The following MACF1 variants were observed in gnomAD, a reference collection of about 807,000 sequenced individuals.
MACF1 encodes the protein microtubule actin crosslinking factor 1.
MACF1 carries 193 observed loss-of-function variants against 854.8 expected under a neutral mutation model. That is an observed-to-expected ratio of 0.23 (90% CI 0.20 to 0.25). The LOEUF (loss-of-function observed/expected upper bound fraction) is 0.25, where lower values mean the gene tolerates loss of function less well. Ranked by LOEUF, MACF1 falls within the 10% of genes least tolerant of loss-of-function variation. The probability of loss-of-function intolerance (pLI) is 1.00; values close to 1 mark genes in which losing one functional copy is unlikely to be tolerated. For synonymous variants in MACF1, 3,185 were observed against 3,226.7 expected, an observed-to-expected ratio of 0.99 and a Z score of 0.44; for missense variants, 7,722 against 8,929.1, an observed-to-expected ratio of 0.86 and a Z score of 5.45.
In MACF1 at chr1:39,448,761, G is replaced by A; in HGVS notation, c.20256G>A (p.Glu6752=). 1.2e-6 allele frequency: 2 copies of A among 1,609,590 alleles called. No individual in the cohort carries two copies. The highest frequency in any genetic ancestry group is 1.3e-5 in the African/African-American group (1 of 74,770). Residue 6752 remains glutamate (E), a splice_region_variant and synonymous_variant, in exon 84 of 101, where the codon GAG becomes GAA. Coordinates refer to ENST00000564288, the MANE Select transcript of MACF1 (RefSeq NM_001394062.1). ...ATACTGTTTGTGGCAAGTCTGTGGA[G>A]CGGTGAGCATGAATGTCCCCTTCAG... ...KWDTVCGKSV[E]RQHKLEEALL... is the part of the protein sequence containing the mutation.
At chr1:39,326,700 A>AAAG (rs1002186426) in intron 35 of MACF1, among the ~76,000 whole-genome samples, 13 of 150,214 alleles carry the variant, frequency 8.7e-5, no homozygotes, top group African/African-American at 3.2e-4. Context: ...AAAAAAAAAA[A>AAAG]AGAGAGAAGA....
intron 2 of MACF1, among the ~76,000 whole-genome samples, chr1:39,145,911 C>T (rs942868284): frequency 2.6e-5 from 4 of 152,178 alleles, no homozygotes; most frequent in Non-Finnish European, 2.9e-5. Flanking sequence ...TTGTAGCCTA[C>T]AGAAATTTGC....
chr1:39,335,902 T>C lies in MACF1; in HGVS notation c.9314T>C (p.Met3105Thr), dbSNP rs1557595222. ...CGAQSEPFPC[M>T]TPRPEGLHYQ... The stretch of plus-strand genomic sequence containing the variant: ...GCCCAGAGTGAACCATTCCCTTGTA[T>C]GACCCCAAGACCTGAAGGATTGCAC... Residue 3105 changes from methionine (M) to threonine (T), a missense_variant, in exon 37 of 101, where the codon ATG becomes ACG. Coordinates refer to ENST00000564288, the MANE Select transcript of MACF1 (RefSeq NM_001394062.1). 2 of 1,614,128 alleles carry C rather than the reference T, an allele frequency of 1.2e-6. No homozygotes were observed. Among genetic ancestry groups the C allele is most frequent in the Non-Finnish European group, 8.5e-7 (1 of 1,180,026 alleles).
rs752545876 is a variant in MACF1, at chr1:39,193,617, C to T, written c.221-37565C>T. On this transcript the variant is annotated intron_variant, in intron 2 of 93. Coordinates refer to the MACF1 transcript ENST00000361689. ...ATATTATGCATTTTCTCACTTAATC[C>T]TCACTGTAACACTGTGAAGAGGTAA... 2.0e-5 allele frequency among the ~76,000 whole-genome samples: 3 copies of T among 152,228 alleles called. No homozygotes were observed. In the East Asian group the frequency reaches 5.8e-4, roughly 29 times the overall value.
chr1:39,193,908 A>G (rs1644286028), intron 2 of MACF1, among the ~76,000 whole-genome samples: 1 of 151,968 alleles, frequency 6.6e-6, no homozygotes, highest in African/African-American at 2.4e-5. Flanking sequence ...CAGTGGCATG[A>G]TCTCAGCTCA....
In MACF1 at chr1:39,481,008, AC is replaced by A. The variant is rs1645002340; in HGVS notation, c.22261del (p.Leu7421SerfsTer16). ...CCTATCAGGGACAGCCATTCTCCTG[AC>A]CTCCAGCTGCCCACCCCCGAGGTAG... The part of the protein sequence containing the change: ...GTPIRDSHSP[D>X]LQLPTPEVIP... On this transcript the variant is annotated frameshift_variant, in exon 99 of 101. Coordinates refer to ENST00000564288, the MANE Select transcript of MACF1 (RefSeq NM_001394062.1). LOFTEE classifies it high-confidence loss of function. 2 of 1,550,286 alleles carry A rather than the reference AC, an allele frequency of 1.3e-6. No homozygotes were observed.
intron 2 of MACF1, among the ~76,000 whole-genome samples, chr1:39,087,285 A>G (rs1238723042): frequency 6.6e-6 from 1 of 152,204 alleles, no homozygotes; most frequent in Non-Finnish European, 1.5e-5. Context: ...GGGTGTCTGA[A>G]TCACTCTCAC....
At chr1:39,151,280 C>G (rs1162174769) in intron 2 of MACF1, among the ~76,000 whole-genome samples, 2 of 152,192 alleles carry the variant, frequency 1.3e-5, no homozygotes, top group Non-Finnish European at 2.9e-5. Context: ...TGTGTCCTTT[C>G]CTTTGTTTTG....
chr1:39,265,769 T>G (rs1433492920), intron 6 of MACF1, among the ~76,000 whole-genome samples: 4 of 152,220 alleles, frequency 2.6e-5, no homozygotes. Flanking sequence ...AGGGACCATC[T>G]ATATCTTAGG....
intron 38 of MACF1, among the ~76,000 whole-genome samples, chr1:39,337,959 C>T (rs550348955): frequency 4.6e-5 from 7 of 152,146 alleles, no homozygotes; most frequent in Admixed American, 2.6e-4. Context: ...TTAGTAGAGA[C>T]GGGGTTTCAC....
At chr1:39,161,219 C>A (rs1571117308) in intron 2 of MACF1, among the ~76,000 whole-genome samples, 1 of 152,104 alleles carries the variant, frequency 6.6e-6, no homozygotes, top group East Asian at 1.9e-4. Flanking sequence ...ATGGGTATGA[C>A]AGGCTGAACT....
chr1:39,181,549 G>A (rs1644105323), intron 2 of MACF1, among the ~76,000 whole-genome samples: 1 of 151,536 alleles, frequency 6.6e-6, no homozygotes, highest in Non-Finnish European at 1.5e-5. Context: ...CCAGAAATTG[G>A]CAAGCTGCTC....
intron 28 of MACF1, among the ~76,000 whole-genome samples, chr1:39,316,924 G>A (rs1222778949): frequency 1.3e-5 from 2 of 152,202 alleles, no homozygotes; most frequent in African/African-American, 4.8e-5. Flanking sequence ...CACTTACTCT[G>A]GCTAAATGAC....
At chr1:39,484,773 GGAAACAACA>G (rs765970885) in intron 100 of MACF1, 43 bp downstream of exon 100, 68 of 1,613,014 alleles carry the variant, frequency 4.2e-5, no homozygotes, top group Admixed American at 8.3e-5. Context: ...CTGAGAATTT[GGAAACAACA>G]GCCTATGTGG....
intron 2 of MACF1, among the ~76,000 whole-genome samples, chr1:39,112,577 C>G (rs1043751993): frequency 6.6e-6 from 1 of 152,092 alleles, no homozygotes; most frequent in Middle Eastern, 3.4e-3. Context: ...ACTTGGATGG[C>G]TGAGGCACAA....
At chr1:39,399,502 G>A (rs770379424) in intron 58 of MACF1, among the ~76,000 whole-genome samples, 17 of 149,124 alleles carry the variant, frequency 1.1e-4, no homozygotes, top group Admixed American at 1.4e-4. Flanking sequence ...AGCCTCCCAA[G>A]TATCTGGGAT....
intron 6 of MACF1, among the ~76,000 whole-genome samples, chr1:39,263,771 CTTTTTTTTT>C (rs11453750): frequency 4.0e-5 from 4 of 100,166 alleles, no homozygotes; most frequent in Admixed American, 1.4e-4. Context: ...TTTCTTTTTT[CTTTTTTTTT>C]TTTTTTTTTT....
intron 23 of MACF1, 116 bp from the exon 24 acceptor site, chr1:39,309,454 C>T: frequency 8.1e-7 from 1 of 1,233,194 alleles, no homozygotes; most frequent in Non-Finnish European, 1.1e-6. Context: ...TGTTGCCTTT[C>T]TCTGCTCAAC....
chr1:39,329,350 A>G (rs1413916855), intron 36 of MACF1, among the ~76,000 whole-genome samples: 2 of 152,188 alleles, frequency 1.3e-5, no homozygotes, highest in Non-Finnish European at 2.9e-5. Flanking sequence ...TGAAATCCTC[A>G]GTGCGTGTTT....
Sources: gnomAD v4.1 joint callset for allele counts (sites outside exome capture counted in the v4.1 genomes callset) on GRCh38, gnomAD v4.1.1 for gene constraint, MANE v1.5 for transcripts, NCBI Gene and HGNC (gene_info 2026-07-23, HGNC 2026-07-21) for gene names.